The following ADAM19 variants were observed in gnomAD, a reference collection of about 807,000 sequenced individuals.
ADAM19 encodes the protein ADAM metallopeptidase domain 19.
ADAM19 carries 65 observed loss-of-function variants against 114.7 expected under a neutral mutation model. The observed-to-expected ratio is 0.57, with a 90% CI of 0.46 to 0.70. The LOEUF (loss-of-function observed/expected upper bound fraction) is 0.70, where lower values mean the gene tolerates loss of function less well. ADAM19 is among the 30% of genes least tolerant of loss of function. The pLI is 0.00. For missense variants in ADAM19, 1,063 were observed against 1,204.7 expected (o/e 0.88, Z 1.74); for synonymous variants, 466 against 460.5 (o/e 1.01, Z -0.15).
chr5:157,537,412 C>T (rs1035346471), intron 4 of ADAM19, among the ~76,000 whole-genome samples: 5 of 152,082 alleles, frequency 3.3e-5, no homozygotes, highest in Non-Finnish European at 7.4e-5. Flanking sequence ...GAAAAAATGT[C>T]CAATATGAAT....
At position 157,493,063 on chromosome 5, in the gene ADAM19, C is replaced by G. The variant is rs1049055617; in HGVS notation, c.1818G>C (p.Arg606=). 3.7e-6 allele frequency: 6 copies of G among 1,614,114 alleles called. No homozygotes were observed. The highest frequency in any genetic ancestry group is 5.1e-6 in the Non-Finnish European group (6 of 1,180,052). The change falls in exon 16 of 23, where the codon CGG becomes CGC. Residue 606 remains arginine (R), a synonymous_variant. Transcript: ENST00000257527. ...IIMNGRQIQC[R]GTHVYRGPEE... is the part of the protein sequence containing the mutation. ...CAGGACCTCGGTAGACGTGGGTGCC[C>G]CGGCACTGGATCTGCCTCCCATTCA...
At position 157,507,142 on chromosome 5, in the gene ADAM19, T is replaced by C; in HGVS notation, c.906-2A>G. On this transcript the variant is annotated splice_acceptor_variant, in intron 9 of 22. Transcript: ENST00000257527. LOFTEE classifies it high-confidence loss of function. ...GTGGTGCCGTGGAAGGACATGCCCC[T>C]GCAGGAGGCAAGGAGAGACGGTGAC... is the stretch of plus-strand genomic sequence containing the variant. 6.2e-7 allele frequency: 1 copy of C among 1,613,790 alleles called. No homozygotes were observed. Among genetic ancestry groups the C allele is most frequent in the Non-Finnish European group, 8.5e-7 (1 of 1,179,816 alleles).
chr5:157,550,614 A>C (rs1237689914), intron 3 of ADAM19, among the ~76,000 whole-genome samples: 2 of 152,142 alleles, frequency 1.3e-5, no homozygotes, highest in African/African-American at 4.8e-5. Flanking sequence ...AATATACTAA[A>C]ACAGATGAAA....
At chr5:157,575,392 T>C (rs1425485533) in intron 1 of ADAM19, among the ~76,000 whole-genome samples, 1 of 152,246 alleles carries the variant, frequency 6.6e-6, no homozygotes, top group Non-Finnish European at 1.5e-5. Flanking sequence ...GGCTGTTTTC[T>C]GGCTGCGCCG....
intron 2 of ADAM19, among the ~76,000 whole-genome samples, chr5:157,565,316 T>A (rs1180027196): frequency 6.6e-6 from 1 of 152,068 alleles, no homozygotes; most frequent in Non-Finnish European, 1.5e-5. Flanking sequence ...TAAATCACAA[T>A]GCACAATGCC....
At position 157,556,221 on chromosome 5, in the gene ADAM19, T is replaced by C. The variant is rs1334137936; in HGVS notation, c.251+8152A>G. On this transcript the variant is annotated intron_variant, in intron 3 of 22. Coordinates refer to ENST00000257527, the MANE Select transcript of ADAM19 (RefSeq NM_033274.5). ...TTTTTTTCTTTTTCTTTTTTTTTTT[T>C]TTTTTTTTTTTTTTTGAGATGGGGT... 2.2e-4 allele frequency among the ~76,000 whole-genome samples: 29 copies of C among 134,602 alleles called. 1 individual carries two copies. Among genetic ancestry groups the C allele is most frequent in the African/African-American group, 2.8e-4 (10 of 36,262 alleles). The allele number at this position is 134,602 out of a possible 152,430, so 88.3% of individuals were successfully genotyped here.
intron 9 of ADAM19, among the ~76,000 whole-genome samples, chr5:157,508,155 T>A (rs975951980): frequency 6.6e-6 from 1 of 152,242 alleles, no homozygotes; most frequent in Non-Finnish European, 1.5e-5. Flanking sequence ...GTTCCAAAGT[T>A]CAGGCCAAAA....
chr5:157,480,738 C>G lies in ADAM19; in HGVS notation c.*211G>C. On this transcript the variant is annotated 3_prime_UTR_variant, in exon 23 of 23. Coordinates refer to ENST00000257527, the MANE Select transcript of ADAM19 (RefSeq NM_033274.5). ...GGCTGTATATTGCACAAAACAACAC[C>G]TAGAGGCCATCAGATCATAGTCCCT... 1 of 1,418,712 alleles carries G rather than the reference C, an allele frequency of 7.0e-7. No homozygotes were observed. Among genetic ancestry groups the G allele is most frequent in the South Asian group, 1.5e-5 (1 of 65,952 alleles). 87.9% of individuals were successfully genotyped at this position (1,418,712 alleles called of 1,614,324 possible).
chr5:157,492,385 G>A (rs1166024694), intron 16 of ADAM19, among the ~76,000 whole-genome samples: 6 of 152,130 alleles, frequency 3.9e-5, no homozygotes, highest in Middle Eastern at 3.2e-3. Flanking sequence ...CTAAGGACAG[G>A]ACAACAGCCA....
rs1349664220 is a variant in ADAM19, at chr5:157,494,762, T to A, written c.1628A>T (p.Lys543Met). Residue 543 changes from lysine to methionine, a missense_variant, in exon 15 of 23, where the codon AAG (lysine) becomes ATG (methionine). By Grantham distance (95) the Lys-to-Met change is moderately conservative. Around this residue, in one of 3 missense-constraint regions of ADAM19, gnomAD observed 24 missense variants for 53.0 expected, o/e 0.45. Coordinates refer to ENST00000257527, the MANE Select transcript of ADAM19 (RefSeq NM_033274.5). ...ARPAPDLCFE[K>M]VNVAGDTFGN... ...AAAGGTGTCTCCTGCCACATTCACC[T>A]TCTCGAAGCAGAGGTCAGGGGCAGG... The A allele has an allele frequency of 1.4e-5, 23 of 1,613,780 alleles. No homozygotes were observed. Among genetic ancestry groups the A allele is most frequent in the Non-Finnish European group, 1.9e-5 (23 of 1,179,822 alleles).
At chr5:157,506,573 A>T (rs1390375850) in intron 10 of ADAM19, among the ~76,000 whole-genome samples, 1 of 152,220 alleles carries the variant, frequency 6.6e-6, no homozygotes, top group African/African-American at 2.4e-5. Context: ...GATGAAGACA[A>T]GTCTTCCTTG....
intron 15 of ADAM19, among the ~76,000 whole-genome samples, chr5:157,494,026 T>G (rs1755261294): frequency 6.6e-6 from 1 of 152,224 alleles, no homozygotes; most frequent in Admixed American, 6.5e-5. Flanking sequence ...GATGGCTCTC[T>G]CCACATTGCC....
At chr5:157,494,267 G>GGATA (rs925841989) in intron 15 of ADAM19, among the ~76,000 whole-genome samples, 8 of 151,154 alleles carry the variant, frequency 5.3e-5, no homozygotes, top group African/African-American at 1.5e-4. Flanking sequence ...ATGGATAGAT[G>GGATA]GATGGATGGA....
In ADAM19 at chr5:157,491,657, C is replaced by T; in HGVS notation, c.2053G>A (p.Gly685Ser). The change falls in exon 18 of 23, where the codon GGC (glycine) becomes AGC (serine). Residue 685 changes from glycine (G) to serine (S), a missense_variant. Gly to Ser is a moderately conservative substitution (Grantham distance 56). Transcript: ENST00000257527. ...GWAPPFCNTP[G>S]HGGSIDSGPM... Reference sequence around the variant, plus strand: ...CCACTGTCGATACTGCCCCCGTGGCCCGGTGTGTTGCAGAAGGGCGGGGCC... The same window carrying T: ...CCACTGTCGATACTGCCCCCGTGGCTCGGTGTGTTGCAGAAGGGCGGGGCC... 6.4e-7 allele frequency: 1 copy of T among 1,565,740 alleles called. No homozygotes were observed. The highest frequency in any genetic ancestry group is 8.7e-7 in the Non-Finnish European group (1 of 1,154,414).
Position 157,479,180 on chromosome 5 carries a change from G to A in ADAM19, c.*1769C>T. ...AACCTGTATCACAGCCACCCTGAGG[G>A]AAGAGAAACTCATTTTCCTGAGATC... On this transcript the variant is annotated 3_prime_UTR_variant, in exon 23 of 23. Transcript: ENST00000257527. The A allele has an allele frequency of 3.0e-6, 3 of 985,854 alleles. No individual in the cohort carries two copies. The highest frequency in any genetic ancestry group is 3.6e-6 in the Non-Finnish European group (3 of 829,964). 61.1% of individuals were successfully genotyped at this position (985,854 alleles called of 1,614,324 possible). A position where few individuals can be genotyped will look rare whatever the true frequency, so the allele number is the denominator to read the frequency against.
At chr5:157,528,713 G>C (rs1375501017) in intron 5 of ADAM19, among the ~76,000 whole-genome samples, 1 of 152,124 alleles carries the variant, frequency 6.6e-6, no homozygotes, top group Non-Finnish European at 1.5e-5. Context: ...ATTTGTATAG[G>C]AGCCTGCATA....
chr5:157,503,236 G>A (rs1755625807), intron 11 of ADAM19, among the ~76,000 whole-genome samples: 1 of 152,172 alleles, frequency 6.6e-6, no homozygotes, highest in African/African-American at 2.4e-5. Flanking sequence ...GCAAACTATT[G>A]CAAGGACAGA....
At chr5:157,575,533 C>G in intron 1 of ADAM19, 70 bp downstream of exon 1, 2 of 1,225,116 alleles carry the variant, frequency 1.6e-6, no homozygotes, top group Non-Finnish European at 2.1e-6. Flanking sequence ...TCCCAGCGCT[C>G]CGGACCCGCA....
At chr5:157,539,153 CAAA>C (rs11336664) in intron 3 of ADAM19, among the ~76,000 whole-genome samples, 15 of 91,910 alleles carry the variant, frequency 1.6e-4, no homozygotes, top group South Asian at 3.3e-4. Context: ...GACTCTGTCT[CAAA>C]AAAAAAAAAA....
Sources: gnomAD v4.1 joint callset for allele counts (sites outside exome capture counted in the v4.1 genomes callset) on GRCh38, gnomAD v4.1.1 for gene constraint, gnomAD v4.1.1 regional missense constraint, MANE v1.5 for transcripts, NCBI Gene and HGNC (gene_info 2026-07-23, HGNC 2026-07-21) for gene names.